The following ARSB variants were observed in gnomAD, a reference collection of about 807,000 sequenced individuals.
ARSB encodes the protein N-acetylgalactosamine-4-sulfatase.
Under a neutral mutation model 50.9 loss-of-function variants are expected in ARSB, and 41 were observed. The observed-to-expected ratio is 0.81, with a 90% CI of 0.63 to 1.04. ARSB has a LOEUF of 1.04. ARSB is among the 50% of genes least tolerant of loss of function. The pLI is 0.00. For synonymous variants in ARSB, 269 were observed against 284.8 expected (o/e 0.94, Z 0.56); for missense variants, 672 against 693.3 (o/e 0.97, Z 0.35).
chr5:78,891,575 G>T (rs1748296153), intron 4 of ARSB, among the ~76,000 whole-genome samples: 1 of 152,178 alleles, frequency 6.6e-6, no homozygotes, highest in Non-Finnish European at 1.5e-5. Context: ...GAGAAAAAGA[G>T]ATAAGATCTC....
At chr5:78,892,169 A>C (rs1354844133) in intron 4 of ARSB, among the ~76,000 whole-genome samples, 1 of 152,012 alleles carries the variant, frequency 6.6e-6, no homozygotes, top group Non-Finnish European at 1.5e-5. Context: ...TAAGTATCAT[A>C]GCCACACTCC....
chr5:78,937,201 T>C (rs771910462), intron 4 of ARSB, among the ~76,000 whole-genome samples: 3 of 150,668 alleles, frequency 2.0e-5, no homozygotes, highest in African/African-American at 7.3e-5. Flanking sequence ...CCCAAACAAA[T>C]TGGAAAGTTT....
chr5:78,916,304 C>T (rs2112334597), intron 4 of ARSB, among the ~76,000 whole-genome samples: 1 of 152,250 alleles, frequency 6.6e-6, no homozygotes, highest in South Asian at 2.1e-4. Context: ...GAAAAAAGGC[C>T]CAGAAATCTT....
intron 4 of ARSB, among the ~76,000 whole-genome samples, chr5:78,930,757 C>T (rs1473715069): frequency 6.6e-6 from 1 of 152,218 alleles, no homozygotes; most frequent in South Asian, 2.1e-4. Flanking sequence ...GCAAGAGAAG[C>T]GACTGGGGAT....
At chr5:78,783,920 A>C (rs1345236117) in intron 6 of ARSB, among the ~76,000 whole-genome samples, 2 of 152,226 alleles carry the variant, frequency 1.3e-5, no homozygotes, top group Non-Finnish European at 2.9e-5. Flanking sequence ...CAAAGGGAAA[A>C]TTACAAAGAA....
intron 5 of ARSB, among the ~76,000 whole-genome samples, chr5:78,840,642 T>C (rs784582): frequency 0.1 from 15,599 of 152,120 alleles, 2,176 homozygotes; most frequent in African/African-American, 0.32. Flanking sequence ...GCTCCTTAAA[T>C]TGAGCATATT....
At chr5:78,935,842 T>G (rs1196150867) in intron 4 of ARSB, among the ~76,000 whole-genome samples, 3 of 152,072 alleles carry the variant, frequency 2.0e-5, no homozygotes, top group African/African-American at 7.2e-5. Flanking sequence ...TCAGTGAGTG[T>G]TGGACTCAGG....
At chr5:78,930,302 G>A (rs1308421047) in intron 4 of ARSB, among the ~76,000 whole-genome samples, 1 of 152,154 alleles carries the variant, frequency 6.6e-6, no homozygotes, top group Non-Finnish European at 1.5e-5. Flanking sequence ...CTATTTTGAG[G>A]ACAGGTATAT....
chr5:78,799,472 G>A (rs897980700), intron 6 of ARSB, among the ~76,000 whole-genome samples: 3 of 152,200 alleles, frequency 2.0e-5, no homozygotes, highest in African/African-American at 4.8e-5. Context: ...CTGGCTAGCC[G>A]AGTCTGGAGA....
At chr5:78,918,281 G>GT (rs1324776345) in intron 4 of ARSB, among the ~76,000 whole-genome samples, 2 of 152,068 alleles carry the variant, frequency 1.3e-5, no homozygotes, top group African/African-American at 2.4e-5. Context: ...ACATTGTGAG[G>GT]TTTTTTTATT....
At chr5:78,832,360 G>C (rs531670909) in intron 6 of ARSB, among the ~76,000 whole-genome samples, 1 of 152,148 alleles carries the variant, frequency 6.6e-6, no homozygotes, top group Non-Finnish European at 1.5e-5. Context: ...GTGGGGAGAG[G>C]CTGTGTCCAT....
intron 6 of ARSB, among the ~76,000 whole-genome samples, chr5:78,818,675 G>C (rs1320590166): frequency 8.0e-6 from 1 of 124,834 alleles, no homozygotes. Flanking sequence ...GCAGTGGCGT[G>C]ATCTCAATCT....
At chr5:78,788,619 G>T (rs1170311732) in intron 6 of ARSB, among the ~76,000 whole-genome samples, 2 of 151,814 alleles carry the variant, frequency 1.3e-5, no homozygotes, top group Non-Finnish European at 2.9e-5. Flanking sequence ...TTGAGATAAG[G>T]TCTTACACTG....
At chr5:78,878,926 T>G (rs1394943885) in intron 5 of ARSB, among the ~76,000 whole-genome samples, 1 of 151,950 alleles carries the variant, frequency 6.6e-6, no homozygotes, top group Non-Finnish European at 1.5e-5. Context: ...TGATCACAAC[T>G]CACTGTAGCC....
In ARSB at chr5:78,947,756, A is replaced by C. The variant is rs186124537; in HGVS notation, c.898+7539T>G. 1.1e-3 allele frequency among the ~76,000 whole-genome samples: 175 copies of C among 152,372 alleles called. 2 individuals are homozygous for C. Among genetic ancestry groups the C allele is most frequent in the African/African-American group, 4.1e-3 (170 of 41,586 alleles). On this transcript the variant is annotated intron_variant, in intron 4 of 7. Coordinates refer to ENST00000264914, the MANE Select transcript of ARSB (RefSeq NM_000046.5). ...TCAGGAAACTAAAAACAAAACTACC[A>C]CATGATCCAGTAATCCCACTGCTAA...
chr5:78,841,162 C>A (rs58672936), intron 5 of ARSB, among the ~76,000 whole-genome samples: 12,201 of 97,204 alleles, frequency 0.13, 537 homozygotes, highest in African/African-American at 0.16. Context: ...ACTACTACTA[C>A]TACTACTAAT....
At chr5:78,810,020 G>A (rs993966531) in intron 6 of ARSB, among the ~76,000 whole-genome samples, 5 of 152,194 alleles carry the variant, frequency 3.3e-5, no homozygotes, top group Non-Finnish European at 7.3e-5. Context: ...CCCTTGATCC[G>A]GTAGTGAGTT....
chr5:78,984,946 G>A lies in ARSB; in HGVS notation c.303C>T (p.Gly101=). 2 of 1,437,934 alleles carry A rather than the reference G, an allele frequency of 1.4e-6. No homozygotes were observed. Among genetic ancestry groups the A allele is most frequent in the Non-Finnish European group, 1.8e-6 (2 of 1,092,524 alleles). 89.1% of individuals were successfully genotyped at this position (1,437,934 alleles called of 1,614,324 possible). Residue 101 remains glycine (G), a synonymous_variant, in exon 1 of 8, where the codon GGC becomes GGT. Transcript: ENST00000264914. ...CTPSRSQLLT[G]RYQIRTGLQH... ...CGGGGGCGCCGCGTACCTGGTAGCG[G>A]CCAGTGAGCAGCTGGCTCCGCGACG...
chr5:78,907,978 T>C (rs560952987), intron 4 of ARSB, among the ~76,000 whole-genome samples: 1 of 152,220 alleles, frequency 6.6e-6, no homozygotes, highest in Non-Finnish European at 1.5e-5. Flanking sequence ...GGAAGTCTTG[T>C]GGTAATCAGG....
Sources: gnomAD v4.1 joint callset for allele counts (sites outside exome capture counted in the v4.1 genomes callset) on GRCh38, gnomAD v4.1.1 for gene constraint, MANE v1.5 for transcripts, NCBI Gene and HGNC (gene_info 2026-07-23, HGNC 2026-07-21) for gene names.